The following CTBP2 variants were observed in gnomAD, a reference collection of about 807,000 sequenced individuals.
The protein encoded by CTBP2 is C-terminal binding protein 2, also known as C-terminal-binding protein 2.
CTBP2 carries 30 observed loss-of-function variants against 80.3 expected under a neutral mutation model. The ratio of observed to expected loss-of-function variants is 0.37; its 90% CI spans 0.28 to 0.51. The LOEUF (loss-of-function observed/expected upper bound fraction) is 0.51, where lower values mean the gene tolerates loss of function less well. Among genes scored for constraint, CTBP2 ranks in the 20% least tolerant of loss-of-function variants. CTBP2 has a pLI of 0.93. For synonymous variants in CTBP2, 594 were observed against 587.4 expected (o/e 1.01, Z -0.16); for missense variants, 1,212 against 1,375.3 (o/e 0.88, Z 1.88).
intron 3 of CTBP2, among the ~76,000 whole-genome samples, chr10:125,036,383 C>G (rs1486689292): frequency 6.6e-6 from 1 of 151,602 alleles, no homozygotes; most frequent in Non-Finnish European, 1.5e-5. Context: ...CGGGAGGGGA[C>G]GAATTTTAAG....
rs369649159 is a variant in CTBP2, at chr10:125,010,385, G to T, written c.1679-6893C>A. Among the ~76,000 whole-genome samples, 10 of 152,218 alleles carry T rather than the reference G, an allele frequency of 6.6e-5. No individual in the cohort carries two copies. The East Asian group carries it at 1.7e-3, about 26-fold the overall frequency. On this transcript the variant is annotated intron_variant, in intron 1 of 8. Transcript: ENST00000309035. ...CTTTGCCCAGCTTCCCAGAGGCTGC[G>T]ATTTCATTTTACAGTCTCAGTAATG...
At chr10:125,036,548 C>T (rs765083192) in intron 3 of CTBP2, among the ~76,000 whole-genome samples, 2 of 151,864 alleles carry the variant, frequency 1.3e-5, no homozygotes, top group Non-Finnish European at 1.5e-5. Flanking sequence ...GTCCCTGTGT[C>T]AGGTGTAGGC....
intron 1 of CTBP2, chr10:125,158,819 G>C (rs1178327912): frequency 6.6e-6 from 1 of 151,998 alleles, no homozygotes; most frequent in African/African-American, 2.4e-5. Flanking sequence ...GGCGGGGGGA[G>C]GGGGGACAAC....
chr10:124,993,414 T>C (rs1250439340), intron 6 of CTBP2, 85 bp from the exon 9 acceptor site: 5 of 1,436,160 alleles, frequency 3.5e-6, no homozygotes, highest in Non-Finnish European at 3.8e-6. Context: ...CTCTTGGCCA[T>C]GTAGAAAAGT....
intron 2 of CTBP2, among the ~76,000 whole-genome samples, chr10:125,096,761 G>C (rs1301069550): frequency 8.4e-6 from 1 of 118,458 alleles, no homozygotes; most frequent in Non-Finnish European, 1.6e-5. Flanking sequence ...TTGTTTGGTG[G>C]AATTAACTAG....
Position 125,104,362 on chromosome 10 carries a change from T to G in CTBP2, c.-102+6628A>C, listed in dbSNP as rs139121801. ...CCCACATTAACATTTCCCCCTAATG[T>G]TCTATCTTTTTGCCATATATAATTA... On this transcript the variant is annotated intron_variant, in intron 2 of 10. Transcript: ENST00000337195. Among the ~76,000 whole-genome samples, 3 of 152,322 alleles carry G rather than the reference T, an allele frequency of 2.0e-5. No individual in the cohort carries two copies. In the East Asian group the frequency reaches 5.8e-4, roughly 29 times the overall value.
chr10:125,117,592 A>G (rs553855990), intron 1 of CTBP2, among the ~76,000 whole-genome samples: 2 of 152,216 alleles, frequency 1.3e-5, no homozygotes, highest in African/African-American at 2.4e-5. Flanking sequence ...CATGGGGAAA[A>G]GAAATACAAT....
intron 1 of CTBP2, among the ~76,000 whole-genome samples, chr10:125,134,786 T>A (rs973284130): frequency 1.7e-4 from 17 of 102,532 alleles, no homozygotes; most frequent in African/African-American, 4.7e-4. Flanking sequence ...CCAGGCCTCC[T>A]CCCATCTTCC....
At position 125,092,604 on chromosome 10, in the gene CTBP2, C is replaced by A. The variant is rs536577979; in HGVS notation, c.-102+18386G>T. Among the ~76,000 whole-genome samples, 3 of 152,300 alleles carry A rather than the reference C, an allele frequency of 2.0e-5. No individual in the cohort carries two copies. The South Asian group carries it at 6.2e-4, about 32-fold the overall frequency. On this transcript the variant is annotated intron_variant, in intron 2 of 10. Transcript: ENST00000337195. Reference sequence around the variant, plus strand: ...GGACAGATCTGGACAGACACACACACGGGCATGGCGGCCTCATCCTACAGG... The same window carrying A: ...GGACAGATCTGGACAGACACACACAAGGGCATGGCGGCCTCATCCTACAGG...
chr10:125,110,194 T>C (rs1215859820), intron 2 of CTBP2, among the ~76,000 whole-genome samples: 2 of 152,212 alleles, frequency 1.3e-5, no homozygotes, highest in Admixed American at 6.5e-5. Context: ...AGGACACAAT[T>C]GGCTAGCGGT....
At chr10:125,124,455 G>A (rs201291925) in intron 1 of CTBP2, among the ~76,000 whole-genome samples, 20 of 124,478 alleles carry the variant, frequency 1.6e-4, no homozygotes, top group Admixed American at 1.1e-3. Context: ...CTATCTGTCA[G>A]CAACAATAAA....
chr10:124,995,091 A>G (rs1953291513), intron 4 of CTBP2, among the ~76,000 whole-genome samples: 1 of 152,224 alleles, frequency 6.6e-6, no homozygotes, highest in East Asian at 1.9e-4. Flanking sequence ...TTTGTGTTTG[A>G]AAAACTTGCT....
At chr10:125,089,433 G>A (rs1848457007) in intron 2 of CTBP2, among the ~76,000 whole-genome samples, 1 of 152,224 alleles carries the variant, frequency 6.6e-6, no homozygotes, top group African/African-American at 2.4e-5. Flanking sequence ...GGCTCAGGGG[G>A]AGCACAGGTG....
At chr10:125,133,729 T>C (rs1402266870) in intron 1 of CTBP2, 1 of 152,228 alleles carries the variant, frequency 6.6e-6, no homozygotes, top group Non-Finnish European at 1.5e-5. Flanking sequence ...TGTTTTTGCC[T>C]TGGAAATAAT....
At chr10:124,999,511 C>T (rs1450082928) in intron 3 of CTBP2, 1 of 152,274 alleles carries the variant, frequency 6.6e-6, no homozygotes, top group African/African-American at 2.4e-5. Flanking sequence ...AAGGGCCACC[C>T]CTAGGTCTAG....
intron 1 of CTBP2, among the ~76,000 whole-genome samples, chr10:125,003,824 C>T (rs1954872841): frequency 6.6e-6 from 1 of 151,998 alleles, no homozygotes; most frequent in Non-Finnish European, 1.5e-5. Flanking sequence ...TGCCTCCCTG[C>T]CTGCACCGGC....
At chr10:125,025,988 G>A in intron 1 of CTBP2, 1 of 1,469,612 alleles carries the variant, frequency 6.8e-7, no homozygotes, top group Middle Eastern at 2.5e-4. Context: ...CCTGGTGAGT[G>A]AGGACTTGCC....
intron 2 of CTBP2, among the ~76,000 whole-genome samples, chr10:125,103,155 C>G (rs569523601): frequency 6.6e-6 from 1 of 152,206 alleles, no homozygotes; most frequent in Non-Finnish European, 1.5e-5. Flanking sequence ...GGGTTGCCTT[C>G]TGTCTGCAGA....
chr10:125,139,158 G>T (rs1309395207), intron 1 of CTBP2, among the ~76,000 whole-genome samples: 1 of 152,028 alleles, frequency 6.6e-6, no homozygotes. Flanking sequence ...GATTACTTGA[G>T]GCCAGGAGTT....
Sources: allele counts gnomAD v4.1 joint callset (sites outside exome capture counted in the v4.1 genomes callset), GRCh38; gene constraint gnomAD v4.1.1; transcripts MANE v1.5; gene names NCBI Gene and HGNC (gene_info 2026-07-23, HGNC 2026-07-21).